The following RIMS1 variants were observed in gnomAD, a reference collection of about 807,000 sequenced individuals.
RIMS1 encodes the protein regulating synaptic membrane exocytosis protein 1.
In RIMS1, 83 loss-of-function variants were observed where a neutral mutation model predicts 214.1. That is an observed-to-expected ratio of 0.39 (90% CI 0.32 to 0.47). The LOEUF (loss-of-function observed/expected upper bound fraction) is 0.47. Ranked by LOEUF, RIMS1 falls within the 20% of genes least tolerant of loss-of-function variation. RIMS1 has a pLI of 0.99. For synonymous variants in RIMS1, 793 were observed against 786.8 expected, an observed-to-expected ratio of 1.01 and a Z score of -0.13; for missense variants, 2,050 against 2,161.8, an observed-to-expected ratio of 0.95 and a Z score of 1.03.
chr6:72,016,968 T>TA (rs542054921), intron 2 of RIMS1, among the ~76,000 whole-genome samples: 245 of 152,320 alleles, frequency 1.6e-3, no homozygotes, highest in Non-Finnish European at 1.6e-3. Flanking sequence ...GAGGAAATGG[T>TA]AATGTGCTAA....
intron 24 of RIMS1, 38 bp from the exon 25 acceptor site, chr6:72,290,641 C>A: frequency 6.3e-7 from 1 of 1,579,220 alleles, no homozygotes; most frequent in Non-Finnish European, 8.6e-7. Flanking sequence ...TAATGTGAAC[C>A]TGCTGACTGA....
chr6:71,888,801 C>G (rs889232750), intron 1 of RIMS1, among the ~76,000 whole-genome samples: 5 of 152,228 alleles, frequency 3.3e-5, no homozygotes, highest in African/African-American at 9.7e-5. Flanking sequence ...TTTCTGAATT[C>G]CCTGCTCCTT....
intron 2 of RIMS1, among the ~76,000 whole-genome samples, chr6:71,981,699 T>C (rs946119304): frequency 6.6e-6 from 1 of 152,170 alleles, no homozygotes; most frequent in South Asian, 2.1e-4. Flanking sequence ...TAATCTCTAA[T>C]CCGGCAATAC....
chr6:71,904,666 A>G (rs980839339), intron 1 of RIMS1, among the ~76,000 whole-genome samples: 7 of 152,294 alleles, frequency 4.6e-5, no homozygotes, highest in Admixed American at 2.0e-4. Context: ...TTAACTACCT[A>G]AACATTAAAG....
chr6:72,153,856 A>T (rs1243204134), intron 4 of RIMS1, among the ~76,000 whole-genome samples: 1 of 152,216 alleles, frequency 6.6e-6, no homozygotes. Context: ...GTAATCCTAT[A>T]TAAACTTTTT....
intron 2 of RIMS1, among the ~76,000 whole-genome samples, chr6:72,073,565 A>T (rs1831075575): frequency 6.6e-6 from 1 of 152,224 alleles, no homozygotes; most frequent in African/African-American, 2.4e-5. Context: ...TTTCACATGA[A>T]ACTTAACACT....
At position 72,173,021 on chromosome 6, in the gene RIMS1, A is replaced by G. The variant is rs554046366; in HGVS notation, c.472-6554A>G. On this transcript the variant is annotated intron_variant, in intron 4 of 33. Transcript: ENST00000521978. ...GGTAGATTTTGTTTTGCTAACAAGG[A>G]TATGTGAGTGGTAAATTTTCCAAGT... Among the ~76,000 whole-genome samples the G allele has an allele frequency of 4.0e-4, 61 of 152,282 alleles. No individual in the cohort carries two copies. In the South Asian group the frequency reaches 1.0e-2, roughly 25 times the overall value.
intron 2 of RIMS1, among the ~76,000 whole-genome samples, chr6:72,055,423 A>T (rs1825877705): frequency 6.6e-6 from 1 of 152,228 alleles, no homozygotes; most frequent in South Asian, 2.1e-4. Flanking sequence ...TTCCACGAGT[A>T]ACCCAAAGAC....
At chr6:72,225,952 ATTC>A (rs1215833466) in intron 6 of RIMS1, among the ~76,000 whole-genome samples, 1 of 152,148 alleles carries the variant, frequency 6.6e-6, no homozygotes, top group African/African-American at 2.4e-5. Context: ...CATGAAATTT[ATTC>A]TTCTCCAAAC....
chr6:71,909,041 G>A (rs1776130370), intron 1 of RIMS1, among the ~76,000 whole-genome samples: 1 of 152,112 alleles, frequency 6.6e-6, no homozygotes, highest in Non-Finnish European at 1.5e-5. Context: ...TCAGGCTGGA[G>A]TGCAGTGGCA....
intron 4 of RIMS1, among the ~76,000 whole-genome samples, chr6:72,142,839 C>T (rs895075425): frequency 2.6e-5 from 4 of 151,986 alleles, no homozygotes; most frequent in East Asian, 3.8e-4. Flanking sequence ...TTGCAACCAA[C>T]GATAATACAT....
chr6:72,008,481 G>A (rs951450541), intron 2 of RIMS1, among the ~76,000 whole-genome samples: 6 of 151,892 alleles, frequency 4.0e-5, no homozygotes, highest in East Asian at 1.9e-4. Flanking sequence ...CAATATTAAC[G>A]TTCAATGTAA....
rs528992913 is a variant in RIMS1, at chr6:71,952,976, C to CT, written c.165-15992dup. Among the ~76,000 whole-genome samples the CT allele has an allele frequency of 8.9e-3, 1,242 of 139,168 alleles. 11 individuals carry two copies. Among genetic ancestry groups the CT allele is most frequent in the African/African-American group, 0.022 (840 of 38,094 alleles). The allele number at this position is 139,168 out of a possible 152,430, so 91.3% of individuals were successfully genotyped here. ...GGCAAGCTCCAATGCAGAAGCGCAT[C>CT]TTTTTTTTTTTTTTTCATTTTATTT... is the stretch of plus-strand genomic sequence containing the variant. On this transcript the variant is annotated intron_variant, in intron 1 of 33. Coordinates refer to ENST00000521978, the MANE Select transcript of RIMS1 (RefSeq NM_014989.7).
chr6:72,125,986 G>A (rs2039431413), intron 4 of RIMS1, among the ~76,000 whole-genome samples: 1 of 152,190 alleles, frequency 6.6e-6, no homozygotes. Context: ...CACCCTCCGT[G>A]GGCTGCACCC....
chr6:72,361,946 T>C (rs1454842982), intron 29 of RIMS1, among the ~76,000 whole-genome samples: 1 of 151,946 alleles, frequency 6.6e-6, no homozygotes, highest in Non-Finnish European at 1.5e-5. Context: ...CATTAGGACA[T>C]GAACATCTTT....
intron 2 of RIMS1, among the ~76,000 whole-genome samples, chr6:71,989,951 C>T (rs1801096477): frequency 2.0e-5 from 3 of 152,276 alleles, no homozygotes; most frequent in Middle Eastern, 3.4e-3. Context: ...TGCTGTCCAT[C>T]GTGTCAGGGA....
chr6:72,361,153 G>C (rs545051702), intron 29 of RIMS1, among the ~76,000 whole-genome samples: 6 of 125,418 alleles, frequency 4.8e-5, no homozygotes, highest in South Asian at 2.6e-4. Flanking sequence ...CTGTTGCCCA[G>C]GCTGGAGTAC....
At position 72,097,013 on chromosome 6, in the gene RIMS1, C is replaced by T. The variant is rs1267059271; in HGVS notation, c.310C>T (p.Arg104Cys). 4 of 1,613,892 alleles carry T rather than the reference C, an allele frequency of 2.5e-6. No homozygotes were observed. The highest frequency in any genetic ancestry group is 2.5e-6 in the Non-Finnish European group (3 of 1,179,858). The change falls in exon 3 of 34, where the codon CGT becomes TGT. Residue 104 changes from arginine to cysteine, a missense_variant. Physicochemically the swap from Arg to Cys is radical, Grantham distance 180. This residue lies in a region of RIMS1 where 882 missense variants were observed against 828.9 expected (regional missense o/e 1.06). Coordinates refer to ENST00000521978, the MANE Select transcript of RIMS1 (RefSeq NM_014989.7). ...QVRKIGEEAR[R>C]YQGEHKDDAP... ...GAGAAAAATAGGGGAAGAAGCGCGGCGTTACCAGGGCGAGCACAAAGACGA... is the reference window on the plus strand; with the variant it reads ...GAGAAAAATAGGGGAAGAAGCGCGGTGTTACCAGGGCGAGCACAAAGACGA...
At chr6:72,129,884 G>A (rs1370015692) in intron 4 of RIMS1, among the ~76,000 whole-genome samples, 1 of 152,068 alleles carries the variant, frequency 6.6e-6, no homozygotes, top group East Asian at 1.9e-4. Flanking sequence ...GTAGGTCACA[G>A]TGCAAAACTA....
Sources: gnomAD v4.1 joint callset for allele counts (sites outside exome capture counted in the v4.1 genomes callset) on GRCh38, gnomAD v4.1.1 for gene constraint, gnomAD v4.1.1 regional missense constraint, MANE v1.5 for transcripts, NCBI Gene and HGNC (gene_info 2026-07-23, HGNC 2026-07-21) for gene names.